Variants in DPYD observed in about 807,000 individuals in gnomAD.
DPYD encodes the protein dihydropyrimidine dehydrogenase.
Under a neutral mutation model 116.2 loss-of-function variants are expected in DPYD, and 109 were observed. The ratio of observed to expected loss-of-function variants is 0.94; its 90% CI spans 0.80 to 1.10. The LOEUF is 1.10. Among genes scored for constraint, DPYD ranks in the 50% least tolerant of loss-of-function variants. The pLI is 0.00. For synonymous variants in DPYD, 440 were observed against 432.0 expected, an observed-to-expected ratio of 1.02 and a Z score of -0.23; for missense variants, 1,302 against 1,254.5, an observed-to-expected ratio of 1.04 and a Z score of -0.57.
chr1:97,416,590 A>T (rs992489189), intron 14 of DPYD, among the ~76,000 whole-genome samples: 17 of 152,186 alleles, frequency 1.1e-4, no homozygotes, highest in African/African-American at 4.1e-4. Flanking sequence ...CTTCTCTTGA[A>T]GTATTTCTGT....
At chr1:97,475,933 T>C (rs1463571036) in intron 13 of DPYD, among the ~76,000 whole-genome samples, 2 of 152,228 alleles carry the variant, frequency 1.3e-5, no homozygotes, top group East Asian at 1.9e-4. Context: ...CTATACATTG[T>C]TGAGTTTGAT....
At chr1:97,551,676 G>C (rs2102093493) in intron 11 of DPYD, among the ~76,000 whole-genome samples, 1 of 152,142 alleles carries the variant, frequency 6.6e-6, no homozygotes, top group Non-Finnish European at 1.5e-5. Context: ...TTCTATGCTT[G>C]AGCAAGGTAG....
intron 16 of DPYD, among the ~76,000 whole-genome samples, chr1:97,325,034 C>G (rs1455576274): frequency 6.6e-6 from 1 of 151,986 alleles, no homozygotes; most frequent in African/African-American, 2.4e-5. Context: ...GTTGATAAAA[C>G]AGTTGATGAA....
At chr1:97,514,875 C>T (rs886331957) in intron 13 of DPYD, among the ~76,000 whole-genome samples, 1 of 151,756 alleles carries the variant, frequency 6.6e-6, no homozygotes, top group Admixed American at 6.6e-5. Context: ...CTTAATGGGG[C>T]ATGTTTGTTC....
chr1:97,127,724 T>A (rs1044881072), intron 20 of DPYD, among the ~76,000 whole-genome samples: 9 of 152,288 alleles, frequency 5.9e-5, no homozygotes, highest in African/African-American at 1.7e-4. Context: ...ATTATATATT[T>A]TTTTAGTTAT....
At chr1:97,712,202 T>C (rs533263388) in intron 5 of DPYD, among the ~76,000 whole-genome samples, 3 of 152,196 alleles carry the variant, frequency 2.0e-5, no homozygotes, top group South Asian at 4.1e-4. Context: ...TACATGTGTA[T>C]TGGAGTCTTA....
intron 14 of DPYD, among the ~76,000 whole-genome samples, chr1:97,444,051 C>T (rs1675944397): frequency 6.6e-6 from 1 of 152,178 alleles, no homozygotes; most frequent in Admixed American, 6.5e-5. Flanking sequence ...GTCCCACTGA[C>T]ACTATTTTCA....
intron 13 of DPYD, among the ~76,000 whole-genome samples, chr1:97,515,103 C>T (rs1464876288): frequency 6.6e-6 from 1 of 151,828 alleles, no homozygotes; most frequent in Non-Finnish European, 1.5e-5. Context: ...GGATGCAATC[C>T]TCTTGTATAA....
chr1:97,412,131 A>C (rs891706652), intron 14 of DPYD, among the ~76,000 whole-genome samples: 2 of 152,170 alleles, frequency 1.3e-5, no homozygotes, highest in Non-Finnish European at 2.9e-5. Context: ...TTCTAATGTG[A>C]ATGTTAGCTA....
At chr1:97,647,358 G>A (rs1300562594) in intron 8 of DPYD, among the ~76,000 whole-genome samples, 2 of 152,000 alleles carry the variant, frequency 1.3e-5, no homozygotes, top group African/African-American at 4.8e-5. Flanking sequence ...AGAGCCAAAT[G>A]TCTATCTGAT....
chr1:97,138,436 TG>T (rs1032573481), intron 20 of DPYD, among the ~76,000 whole-genome samples: 3 of 152,074 alleles, frequency 2.0e-5, no homozygotes, highest in Non-Finnish European at 4.4e-5. Context: ...TGCTACACTG[TG>T]GTAGTATTGC....
chr1:97,588,132 A>G (rs1187572829), intron 10 of DPYD, among the ~76,000 whole-genome samples: 1 of 152,216 alleles, frequency 6.6e-6, no homozygotes, highest in Non-Finnish European at 1.5e-5. Context: ...ATAAAGTAGC[A>G]TTAATTATCA....
intron 1 of DPYD, among the ~76,000 whole-genome samples, chr1:97,892,040 T>A (rs1378584616): frequency 6.6e-6 from 1 of 151,862 alleles, no homozygotes; most frequent in Non-Finnish European, 1.5e-5. Context: ...TGGCTTATTC[T>A]GAGTTCTCTA....
At chr1:97,258,895 T>C (rs1663690559) in intron 18 of DPYD, among the ~76,000 whole-genome samples, 1 of 152,102 alleles carries the variant, frequency 6.6e-6, no homozygotes, top group African/African-American at 2.4e-5. Context: ...CTATATAAGA[T>C]AGAAAATGAC....
chr1:97,387,003 C>T (rs146355331), intron 14 of DPYD, among the ~76,000 whole-genome samples: 159 of 151,854 alleles, frequency 1.0e-3, no homozygotes, highest in Non-Finnish European at 1.8e-3. Context: ...TATTTTATAT[C>T]GTGAAACATC....
chr1:97,281,714 C>G (rs1665335173), intron 18 of DPYD, among the ~76,000 whole-genome samples: 1 of 151,858 alleles, frequency 6.6e-6, no homozygotes, highest in African/African-American at 2.4e-5. Flanking sequence ...TGTATGGGAT[C>G]CAGAAATAGA....
chr1:97,575,118 G>A (rs551181180), intron 10 of DPYD, among the ~76,000 whole-genome samples: 5 of 152,290 alleles, frequency 3.3e-5, no homozygotes, highest in African/African-American at 1.2e-4. Flanking sequence ...AGGGTTAAGT[G>A]GGGACTGAGG....
chr1:97,820,748 T>C (rs1668881300), intron 3 of DPYD, among the ~76,000 whole-genome samples: 1 of 152,210 alleles, frequency 6.6e-6, no homozygotes, highest in Non-Finnish European at 1.5e-5. Context: ...AATGTAAATA[T>C]AACAGATCTC....
At chr1:97,422,026 A>G (rs568484744) in intron 14 of DPYD, among the ~76,000 whole-genome samples, 58 of 152,258 alleles carry the variant, frequency 3.8e-4, no homozygotes, top group African/African-American at 1.3e-3. Flanking sequence ...GTTTATTCCT[A>G]CACCTTGTGT....
Sources: allele counts gnomAD v4.1 joint callset (sites outside exome capture counted in the v4.1 genomes callset), GRCh38; gene constraint gnomAD v4.1.1; transcripts MANE v1.5; gene names NCBI Gene and HGNC (gene_info 2026-07-23, HGNC 2026-07-21).